DCAF12: variants seen among roughly 807,000 people sequenced by gnomAD.
The protein encoded by DCAF12 is DDB1 and CUL4 associated factor 12.
A neutral mutation model predicts 52.8 loss-of-function variants in DCAF12; 28 were observed. That is an observed-to-expected ratio of 0.53 (90% CI 0.39 to 0.73). DCAF12 has a LOEUF of 0.73. Among genes scored for constraint, DCAF12 ranks in the 30% least tolerant of loss-of-function variants. The probability of loss-of-function intolerance (pLI) is 0.00; values close to 1 mark genes in which losing one functional copy is unlikely to be tolerated. For synonymous variants in DCAF12, 196 were observed against 215.5 expected (o/e 0.91, Z 0.79); for missense variants, 425 against 552.2 (o/e 0.77, Z 2.31).
Position 34,125,267 on chromosome 9 carries a change from T to C in DCAF12, c.89A>G (p.Asp30Gly). The change falls in exon 2 of 9, where the codon GAT becomes GGT. Residue 30 changes from aspartate (D) to glycine (G), a missense_variant. Transcript: ENST00000361264. ...SDAQGPQFGW[D>G]HSLHKRKRLP... ...TCTTTTCCTTTTGTGAAGCGAGTGA[T>C]CCCAGCCAAACTGTGGAAACAACAT... 6.2e-7 allele frequency: 1 copy of C among 1,614,060 alleles called. No homozygotes were observed. The highest frequency in any genetic ancestry group is 8.5e-7 in the Non-Finnish European group (1 of 1,179,992).
At chr9:34,115,986 T>C (rs753403383) in intron 2 of DCAF12, among the ~76,000 whole-genome samples, 5 of 152,192 alleles carry the variant, frequency 3.3e-5, no homozygotes, top group Admixed American at 2.6e-4. Context: ...TTTTTAGTAA[T>C]ACAAAACATG....
At position 34,121,289 on chromosome 9, in the gene DCAF12, G is replaced by T. The variant is rs1408062829; in HGVS notation, c.333+3734C>A. 2.0e-5 allele frequency among the ~76,000 whole-genome samples: 3 copies of T among 152,152 alleles called. No individual in the cohort carries two copies. The East Asian group carries it at 5.8e-4, about 29-fold the overall frequency. The stretch of plus-strand genomic sequence containing the variant: ...ACAGCTTTAACCTCCTGCTAGATAA[G>T]ATTAAGATACCCAAACATAGAATTT... On this transcript the variant is annotated intron_variant, in intron 2 of 8. Transcript: ENST00000361264.
At chr9:34,114,942 G>A (rs1423666000) in intron 2 of DCAF12, among the ~76,000 whole-genome samples, 1 of 152,046 alleles carries the variant, frequency 6.6e-6, no homozygotes, top group Non-Finnish European at 1.5e-5. Context: ...CCTCCAGCCT[G>A]GGTGACAGAG....
At position 34,106,419 on chromosome 9, in the gene DCAF12, A is replaced by G. The variant is rs1345913897; in HGVS notation, c.601+15T>C. On this transcript the variant is annotated intron_variant, in intron 4 of 8. Coordinates refer to ENST00000361264, the MANE Select transcript of DCAF12 (RefSeq NM_015397.4). ...CCTGCCACATCAAAAGCTCCCTATA[A>G]AAGGGCAACTTTACCAGACACTGCC... is the stretch of plus-strand genomic sequence containing the variant. 4 of 1,598,024 alleles carry G rather than the reference A, an allele frequency of 2.5e-6. No homozygotes were observed. The highest frequency in any genetic ancestry group is 3.3e-4 in the Middle Eastern group (2 of 6,028).
chr9:34,108,954 A>C (rs1479062099), intron 2 of DCAF12, among the ~76,000 whole-genome samples: 1 of 148,082 alleles, frequency 6.8e-6, no homozygotes, highest in African/African-American at 2.5e-5. Flanking sequence ...ATCTCAAACA[A>C]ATACATATAT....
At position 34,088,214 on chromosome 9, in the gene DCAF12, T is replaced by C. The variant is rs2131423276; in HGVS notation, c.*136A>G. Reference sequence around the variant, plus strand: ...CTGTACAGAGCTTCTTCCTATTAAGTGCCTAAACTATAGGCAAACTTTGGT... The same window carrying C: ...CTGTACAGAGCTTCTTCCTATTAAGCGCCTAAACTATAGGCAAACTTTGGT... On this transcript the variant is annotated 3_prime_UTR_variant, in exon 9 of 9. Transcript: ENST00000361264. 1 of 917,200 alleles carries C rather than the reference T, an allele frequency of 1.1e-6. No homozygotes were observed. Among genetic ancestry groups the C allele is most frequent in the South Asian group, 2.2e-5 (1 of 44,728 alleles). The allele number at this position is 917,200 out of a possible 1,614,324, so 56.8% of individuals were successfully genotyped here.
At chr9:34,110,589 A>T (rs1264472443) in intron 2 of DCAF12, among the ~76,000 whole-genome samples, 1 of 152,214 alleles carries the variant, frequency 6.6e-6, no homozygotes, top group Admixed American at 6.6e-5. Context: ...GATACTTAGC[A>T]TGGCATTAAG....
chr9:34,114,139 G>A (rs901264255), intron 2 of DCAF12, among the ~76,000 whole-genome samples: 18 of 152,182 alleles, frequency 1.2e-4, no homozygotes, highest in African/African-American at 4.3e-4. Flanking sequence ...GATACACAAT[G>A]CAATACTGTT....
Position 34,125,054 on chromosome 9 carries a change from C to G in DCAF12, c.302G>C (p.Arg101Thr), listed in dbSNP as rs770686978. The stretch of plus-strand genomic sequence containing the variant: ...GCATTTTGTGCCACACACCACTTGC[C>G]TATGATTCAACCACTGAGATGCAAA... ...KVFASQWLNH[R>T]QVVCGTKCNT... The change falls in exon 2 of 9, where the codon AGG becomes ACG. Residue 101 changes from arginine (R) to threonine (T), a missense_variant. By Grantham distance (71) the Arg-to-Thr change is moderately conservative. Around this residue, in one of 3 missense-constraint regions of DCAF12, gnomAD observed 328 missense variants for 444.4 expected, o/e 0.74. Coordinates refer to ENST00000361264, the MANE Select transcript of DCAF12 (RefSeq NM_015397.4). 1 of 1,613,702 alleles carries G rather than the reference C, an allele frequency of 6.2e-7. No individual in the cohort carries two copies. The highest frequency in any genetic ancestry group is 8.5e-7 in the Non-Finnish European group (1 of 1,180,022).
intron 1 of DCAF12, chr9:34,125,698 G>T: frequency 5.1e-6 from 2 of 391,568 alleles, no homozygotes; most frequent in South Asian, 3.6e-5. Context: ...GCCAGACCTG[G>T]CTCCCAGGTC....
rs34922785 is a variant in DCAF12, at chr9:34,091,639, CAAAAAAAAAAA to C, written c.1024+1636_1024+1646del. ...GCTGATAGAGTGAGGACCCTGTCTT[CAAAAAAAAAAA>C]AAAAAAAAAAACCACAAAAAACCCA... On this transcript the variant is annotated intron_variant, in intron 7 of 8. Coordinates refer to ENST00000361264, the MANE Select transcript of DCAF12 (RefSeq NM_015397.4). Among the ~76,000 whole-genome samples the C allele has an allele frequency of 9.9e-5, 8 of 80,516 alleles. 1 individual carries two copies. The Admixed American group carries it at 1.2e-3, about 12-fold the overall frequency. The allele number at this position is 80,516 out of a possible 152,430, so 52.8% of individuals were successfully genotyped here. A position where few individuals can be genotyped will look rare whatever the true frequency, so the allele number is the denominator to read the frequency against.
At chr9:34,089,220 T>G (rs572340021) in intron 8 of DCAF12, among the ~76,000 whole-genome samples, 192 bp downstream of exon 8, 2 of 152,214 alleles carry the variant, frequency 1.3e-5, no homozygotes, top group East Asian at 3.9e-4. Context: ...TGTGTTTTAC[T>G]GGGCCTCAGT....
rs145740652 is a variant in DCAF12, at chr9:34,089,639, T to C, written c.1025-49A>G. 200 of 1,534,130 alleles carry C rather than the reference T, an allele frequency of 1.3e-4. No individual in the cohort carries two copies. In the African/African-American group the frequency reaches 2.4e-3, roughly 19 times the overall value. On this transcript the variant is annotated intron_variant, in intron 7 of 8. Coordinates refer to ENST00000361264, the MANE Select transcript of DCAF12 (RefSeq NM_015397.4). ...CAGTGAGGCGGGAGAGAATATTTGC[T>C]GACTGTCTGCTAGCCTGAATTTCTC...
At chr9:34,102,406 T>C (rs1778770702) in intron 4 of DCAF12, among the ~76,000 whole-genome samples, 1 of 152,182 alleles carries the variant, frequency 6.6e-6, no homozygotes, top group Non-Finnish European at 1.5e-5. Context: ...CTCACGCCTG[T>C]AACCCCAGAA....
In DCAF12 at chr9:34,124,685, CATT is replaced by C. The variant is rs200715393; in HGVS notation, c.333+335_333+337del. 1.8e-4 allele frequency among the ~76,000 whole-genome samples: 27 copies of C among 152,244 alleles called. No individual in the cohort carries two copies. In the East Asian group the frequency reaches 4.4e-3, roughly 25 times the overall value. ...GTATCCTGAATGATGCTCTAAGCATCATTATTTCTTAAATCTTTCCTTTGAGGC... is the reference window on the plus strand; with the variant it reads ...GTATCCTGAATGATGCTCTAAGCATCATTTCTTAAATCTTTCCTTTGAGGC... On this transcript the variant is annotated intron_variant, in intron 2 of 8. Coordinates refer to ENST00000361264, the MANE Select transcript of DCAF12 (RefSeq NM_015397.4).
intron 4 of DCAF12, among the ~76,000 whole-genome samples, chr9:34,103,405 CA>C (rs528124195): frequency 6.2e-4 from 85 of 137,570 alleles, no homozygotes; most frequent in Admixed American, 6.6e-4. Context: ...GACTCCATCT[CA>C]AAAAAAAAAA....
chr9:34,090,930 T>C (rs1828633126), intron 7 of DCAF12, among the ~76,000 whole-genome samples: 1 of 151,974 alleles, frequency 6.6e-6, no homozygotes, highest in African/African-American at 2.4e-5. Flanking sequence ...AGTGCTGGGA[T>C]TACAGGCATC....
At chr9:34,108,379 A>C (rs1828939370) in intron 2 of DCAF12, among the ~76,000 whole-genome samples, 1 of 152,228 alleles carries the variant, frequency 6.6e-6, no homozygotes, top group Non-Finnish European at 1.5e-5. Context: ...AAGAGGCTGA[A>C]ATAAAATCCT....
Position 34,107,349 on chromosome 9 carries a change from G to A in DCAF12, c.540+10C>T, listed in dbSNP as rs1374817338. On this transcript the variant is annotated intron_variant, in intron 3 of 8. Transcript: ENST00000361264. The stretch of plus-strand genomic sequence containing the variant: ...GGCTCCCTCCAACTACAACTACTGG[G>A]AAAACTTACATCTCCTACACACACA... 9.3e-6 allele frequency: 15 copies of A among 1,613,470 alleles called. No individual in the cohort carries two copies. The East Asian group carries it at 2.5e-4, about 26-fold the overall frequency.
Sources: allele counts gnomAD v4.1 joint callset (sites outside exome capture counted in the v4.1 genomes callset), GRCh38; gene constraint gnomAD v4.1.1; regional missense constraint gnomAD v4.1.1; transcripts MANE v1.5; gene names NCBI Gene and HGNC (gene_info 2026-07-23, HGNC 2026-07-21).